KCND3: variants seen among roughly 807,000 people sequenced by gnomAD.
KCND3 encodes the protein potassium voltage-gated channel subfamily D member 3, also known as A-type voltage-gated potassium channel KCND3.
Under a neutral mutation model 51.1 loss-of-function variants are expected in KCND3, and 9 were observed. That is an observed-to-expected ratio of 0.18 (90% CI 0.11 to 0.31). The LOEUF is 0.31. KCND3 is among the 10% of genes least tolerant of loss of function. KCND3 has a pLI of 1.00. For synonymous variants in KCND3, 349 were observed against 368.0 expected, an observed-to-expected ratio of 0.95 and a Z score of 0.59; for missense variants, 526 against 903.8, an observed-to-expected ratio of 0.58 and a Z score of 5.36.
At chr1:111,822,584 CCA>C (rs757347725) in intron 2 of KCND3, among the ~76,000 whole-genome samples, 12 of 152,328 alleles carry the variant, frequency 7.9e-5, no homozygotes, top group South Asian at 6.2e-4. Flanking sequence ...TAAGGATAGA[CCA>C]CAGTTTGCTT....
rs1665239704 is a variant in KCND3 at position 111,800,206 on chromosome 1, C to T, written c.1107-13100G>A. Among the ~76,000 whole-genome samples the T allele has an allele frequency of 2.4e-5, 3 of 122,668 alleles. No individual in the cohort carries two copies. In the South Asian group the frequency reaches 9.3e-4, roughly 38 times the overall value. 80.5% of individuals were successfully genotyped at this position (122,668 alleles called of 152,430 possible). On this transcript the variant is annotated intron_variant, in intron 2 of 7. Transcript: ENST00000302127. ...ATTTTGTTCTGCACTAAGAAAAATT[C>T]CTCTGCCTTGGGATCCTGTTGATCT...
At chr1:111,963,845 C>T (rs1043155967) in intron 2 of KCND3, among the ~76,000 whole-genome samples, 1 of 152,216 alleles carries the variant, frequency 6.6e-6, no homozygotes, top group African/African-American at 2.4e-5. Context: ...ACTGCCTCTC[C>T]ATCACCACAC....
intron 2 of KCND3, among the ~76,000 whole-genome samples, chr1:111,895,620 C>T (rs1463660005): frequency 6.6e-6 from 1 of 152,236 alleles, no homozygotes; most frequent in Non-Finnish European, 1.5e-5. Flanking sequence ...AGATCAGTCA[C>T]CTTCCAGGCT....
At chr1:111,801,026 T>C (rs1665285584) in intron 2 of KCND3, among the ~76,000 whole-genome samples, 1 of 152,244 alleles carries the variant, frequency 6.6e-6, no homozygotes, top group African/African-American at 2.4e-5. Context: ...CCCTCAGGCC[T>C]GTACCCTGTT....
At chr1:111,959,774 G>A (rs979263116) in intron 2 of KCND3, among the ~76,000 whole-genome samples, 34 of 152,090 alleles carry the variant, frequency 2.2e-4, no homozygotes, top group African/African-American at 8.0e-4. Context: ...GGCTGGAGGT[G>A]CAAAAAATAG....
Position 111,780,733 on chromosome 1 carries a change from T to C in KCND3, c.1328A>G (p.His443Arg). Residue 443 changes from histidine to arginine, a missense_variant, in exon 4 of 8, where the codon CAC (histidine) becomes CGC (arginine). His to Arg is a conservative substitution (Grantham distance 29). Around this residue, in one of 5 missense-constraint regions of KCND3, gnomAD observed 266 missense variants for 305.5 expected, o/e 0.87. Transcript: ENST00000302127. The surrounding 1 kb of genome is among the most constrained non-coding windows in gnomAD (Gnocchi z 4.2). ...AKTGSSNAYL[H>R]SKRNGLLNEA... ...GTTGAGGAGCCCGTTGCGCTTGCTG[T>C]GCAGGTATGCATTCGAACTGCCTGT... 1 of 1,613,380 alleles carries C rather than the reference T, an allele frequency of 6.2e-7. No individual in the cohort carries two copies. Among genetic ancestry groups the C allele is most frequent in the Non-Finnish European group, 8.5e-7 (1 of 1,179,816 alleles).
At position 111,836,809 on chromosome 1, in the gene KCND3, A is replaced by G. The variant is rs536476089; in HGVS notation, c.1107-49703T>C. On this transcript the variant is annotated intron_variant, in intron 2 of 7. Transcript: ENST00000302127. ...TTCCCAAGATCCCACCTCTGAGTCTAAGGCCTGTGGATTCTCTCCAGTCTG... is the reference window on the plus strand; with the variant it reads ...TTCCCAAGATCCCACCTCTGAGTCTGAGGCCTGTGGATTCTCTCCAGTCTG... Among the ~76,000 whole-genome samples the G allele has an allele frequency of 9.2e-5, 14 of 152,316 alleles. No individual in the cohort carries two copies. The East Asian group carries it at 2.5e-3, about 27-fold the overall frequency.
At chr1:111,842,332 T>C (rs1377693616) in intron 2 of KCND3, among the ~76,000 whole-genome samples, 1 of 152,086 alleles carries the variant, frequency 6.6e-6, no homozygotes, top group Non-Finnish European at 1.5e-5. Context: ...TTTAATTCAG[T>C]CATTCCATTT....
rs965649464 is a variant in KCND3 at position 111,776,791 on chromosome 1, GT to G, written c.1766+234del. ...ATGTATATATATAATTATTTTTAAA[GT>G]TTTTTTTTTTCCCTGTTACCTATTT... On this transcript the variant is annotated intron_variant, in intron 7 of 7. Transcript: ENST00000302127. Among the ~76,000 whole-genome samples the G allele has an allele frequency of 6.6e-3, 974 of 147,742 alleles. 6 individuals carry two copies. The highest frequency in any genetic ancestry group is 0.049 in the Middle Eastern group (14 of 284).
chr1:111,856,571 C>T (rs1215445112), intron 2 of KCND3, among the ~76,000 whole-genome samples: 2 of 152,238 alleles, frequency 1.3e-5, no homozygotes, highest in Admixed American at 1.3e-4. Context: ...GGCCAGACCC[C>T]CCCTTGCACA....
intron 2 of KCND3, among the ~76,000 whole-genome samples, chr1:111,848,276 C>T (rs1461171403): frequency 6.6e-6 from 1 of 152,238 alleles, no homozygotes; most frequent in African/African-American, 2.4e-5. Flanking sequence ...GAACTCATGT[C>T]TGTGTAGTCT....
rs187131762 is a variant in KCND3, at chr1:111,782,507, G to A, written c.1270-1716C>T. Among the ~76,000 whole-genome samples, 353 of 152,192 alleles carry A rather than the reference G, an allele frequency of 2.3e-3. 1 individual carries two copies. The highest frequency in any genetic ancestry group is 8.0e-3 in the African/African-American group (332 of 41,504). ...GGGGCCAGGACAGTTTTACTCCATGGGAATCCTGCTCCAGCCCTCCCCTTG... is the reference window on the plus strand; with the variant it reads ...GGGGCCAGGACAGTTTTACTCCATGAGAATCCTGCTCCAGCCCTCCCCTTG... On this transcript the variant is annotated intron_variant, in intron 3 of 7. Transcript: ENST00000302127.
chr1:111,806,946 C>T (rs17028610), intron 2 of KCND3, among the ~76,000 whole-genome samples: 12,442 of 152,162 alleles, frequency 0.082, 892 homozygotes, highest in African/African-American at 0.18. Flanking sequence ...AGTAAATATC[C>T]CCTCTATGGA....
chr1:111,814,462 G>C (rs1277784235), intron 2 of KCND3, among the ~76,000 whole-genome samples: 1 of 152,222 alleles, frequency 6.6e-6, no homozygotes, highest in Non-Finnish European at 1.5e-5. Context: ...CAAGACCTGG[G>C]TGTATCCTGA....
intron 2 of KCND3, among the ~76,000 whole-genome samples, chr1:111,849,300 C>A (rs1203136678): frequency 6.6e-6 from 1 of 152,266 alleles, no homozygotes; most frequent in Non-Finnish European, 1.5e-5. Context: ...GGCCAGCCAT[C>A]AGCTGTGCCA....
At chr1:111,819,148 C>T (rs1054037171) in intron 2 of KCND3, among the ~76,000 whole-genome samples, 2 of 152,146 alleles carry the variant, frequency 1.3e-5, no homozygotes, top group African/African-American at 4.8e-5. Context: ...AGTGTGCACA[C>T]ACAGCCTCTC....
In KCND3 at chr1:111,773,165, A is replaced by G. The variant is rs954863519; in HGVS notation, c.*2912T>C. On this transcript the variant is annotated 3_prime_UTR_variant, in exon 8 of 8. Transcript: ENST00000302127. ...AGGAAGTGGCATGACGTGGGCTCTG[A>G]ACGTGAAGTGGAAGGAACACAAAAC... 2.6e-5 allele frequency: 4 copies of G among 152,234 alleles called. No homozygotes were observed. In the South Asian group the frequency reaches 8.3e-4, roughly 32 times the overall value. The allele number at this position is 152,234 out of a possible 1,614,324, so 9.4% of individuals were successfully genotyped here.
At chr1:111,819,407 A>G (rs1666249654) in intron 2 of KCND3, among the ~76,000 whole-genome samples, 1 of 152,022 alleles carries the variant, frequency 6.6e-6, no homozygotes, top group African/African-American at 2.4e-5. Context: ...CCCAAACCCA[A>G]CCGGGAAAGA....
intron 3 of KCND3, among the ~76,000 whole-genome samples, chr1:111,782,658 A>G (rs1387616195): frequency 1.3e-5 from 2 of 152,324 alleles, no homozygotes; most frequent in East Asian, 1.9e-4. Flanking sequence ...TTATAGTCTT[A>G]TATAATTTGA....
Sources: gnomAD v4.1 joint callset for allele counts (sites outside exome capture counted in the v4.1 genomes callset) on GRCh38, gnomAD v4.1.1 for gene constraint, gnomAD v4.1.1 regional missense constraint, Gnocchi (gnomAD v3.1) non-coding constraint, MANE v1.5 for transcripts, NCBI Gene and HGNC (gene_info 2026-07-23, HGNC 2026-07-21) for gene names.